MYLK4: variants seen among roughly 807,000 people sequenced by gnomAD.
MYLK4 encodes myosin light chain kinase family member 4.
A neutral mutation model predicts 48.1 loss-of-function variants in MYLK4; 46 were observed. The observed-to-expected ratio is 0.96, with a 90% CI of 0.75 to 1.22. The LOEUF (loss-of-function observed/expected upper bound fraction) is 1.22, where lower values mean the gene tolerates loss of function less well. Ranked by LOEUF, MYLK4 falls within the 50% of genes most tolerant of loss-of-function variation. The probability of loss-of-function intolerance (pLI) is 0.00; values close to 1 mark genes in which losing one functional copy is unlikely to be tolerated. For missense variants in MYLK4, 451 were observed against 486.1 expected, an observed-to-expected ratio of 0.93 and a Z score of 0.68; for synonymous variants, 170 against 180.8, an observed-to-expected ratio of 0.94 and a Z score of 0.48.
At chr6:2,764,637 T>A in the MYLK4 span, among the ~76,000 whole-genome samples, 1 of 152,192 alleles carries the variant, frequency 6.6e-6, no homozygotes, top group Non-Finnish European at 1.5e-5. Flanking sequence ...TCTTTCCATT[T>A]CTATCCGTCT....
In MYLK4 at chr6:2,740,987, C is replaced by A. The variant is rs191607945; in HGVS notation, c.159+8149G>T. Reference sequence around the variant, plus strand: ...TAGGTGGTTTTAGATCATACAGTAACAAACCGTTTTTAAAACTTATGTGTG... The same window carrying A: ...TAGGTGGTTTTAGATCATACAGTAAAAAACCGTTTTTAAAACTTATGTGTG... On this transcript the variant is annotated intron_variant, in intron 2 of 12. Transcript: ENST00000274643. 1.1e-4 allele frequency among the ~76,000 whole-genome samples: 16 copies of A among 152,316 alleles called. No homozygotes were observed. In the East Asian group the frequency reaches 3.1e-3, roughly 29 times the overall value.
intron 2 of MYLK4, among the ~76,000 whole-genome samples, chr6:2,693,143 C>T (rs1403330069): frequency 6.6e-6 from 1 of 152,108 alleles, no homozygotes; most frequent in African/African-American, 2.4e-5. Context: ...GAAAAAAGCC[C>T]AGTAAAATTA....
intron 2 of MYLK4, among the ~76,000 whole-genome samples, chr6:2,729,410 G>C (rs182459449): frequency 2.0e-5 from 3 of 152,188 alleles, no homozygotes; most frequent in African/African-American, 4.8e-5. Flanking sequence ...CACAGAGATC[G>C]TGGCAAAGGA....
At chr6:2,725,951 AAC>A (rs1273180002) in intron 2 of MYLK4, among the ~76,000 whole-genome samples, 1 of 152,236 alleles carries the variant, frequency 6.6e-6, no homozygotes, top group African/African-American at 2.4e-5. Flanking sequence ...TCTAGCACGG[AAC>A]AAGCTCAGTG....
intron 2 of MYLK4, among the ~76,000 whole-genome samples, chr6:2,693,756 CTTTTTT>C (rs66817086): frequency 2.4e-5 from 3 of 124,808 alleles, no homozygotes; most frequent in Non-Finnish European, 3.4e-5. Context: ...TGCAAATGTG[CTTTTTT>C]TTTTTTTTTT....
At chr6:2,766,369 T>C in the MYLK4 span, 1 of 1,609,774 alleles carries the variant, frequency 6.2e-7, no homozygotes, top group Non-Finnish European at 8.5e-7. Context: ...TGGGCCAGGA[T>C]ACCCTGCTGC....
rs972538422 is a variant in MYLK4 at position 2,685,206 on chromosome 6, T to A, written c.545+90A>T. The A allele has an allele frequency of 6.5e-6, 6 of 923,638 alleles. No individual in the cohort carries two copies. Among genetic ancestry groups the A allele is most frequent in the African/African-American group, 1.6e-5 (1 of 62,024 alleles). The allele number at this position is 923,638 out of a possible 1,614,324, so 57.2% of individuals were successfully genotyped here. ...TCTGCGGGGGCGAGCTTGGTTCTGG[T>A]CCCGCTACAGCAGGACGGAGCTACT... On this transcript the variant is annotated intron_variant, in intron 6 of 12. Transcript: ENST00000274643. The surrounding 1 kb of genome is among the most constrained non-coding windows in gnomAD (Gnocchi z 4.5).
At chr6:2,754,554 C>T (rs1764377765), upstream of MYLK4, among the ~76,000 whole-genome samples, 1 of 152,170 alleles carries the variant, frequency 6.6e-6, no homozygotes. Flanking sequence ...TAAACAGAAT[C>T]TTACCCGATG....
chr6:2,744,538 T>C (rs1283647898), intron 2 of MYLK4, among the ~76,000 whole-genome samples: 2 of 152,216 alleles, frequency 1.3e-5, no homozygotes, highest in African/African-American at 4.8e-5. Context: ...ATGGTGCTGA[T>C]GGTACAATTT....
At chr6:2,705,281 C>T (rs964156673) in intron 2 of MYLK4, among the ~76,000 whole-genome samples, 2 of 152,188 alleles carry the variant, frequency 1.3e-5, no homozygotes, top group Middle Eastern at 3.2e-3. Flanking sequence ...ACATGGAAAT[C>T]GTTCTACTGA....
chr6:2,706,405 GGT>G (rs1026947534), intron 2 of MYLK4, among the ~76,000 whole-genome samples: 1 of 152,120 alleles, frequency 6.6e-6, no homozygotes, highest in African/African-American at 2.4e-5. Context: ...CATTTTTGGA[GGT>G]GATGGATAAG....
At chr6:2,719,258 T>C (rs1339773896) in intron 2 of MYLK4, among the ~76,000 whole-genome samples, 1 of 152,134 alleles carries the variant, frequency 6.6e-6, no homozygotes, top group African/African-American at 2.4e-5. Flanking sequence ...GACCAGTACA[T>C]TGAATTTTTA....
intron 11 of MYLK4, among the ~76,000 whole-genome samples, chr6:2,674,357 T>G (rs1761005650): frequency 6.6e-6 from 1 of 152,188 alleles, no homozygotes; most frequent in Non-Finnish European, 1.5e-5. Context: ...GAATTTAGAA[T>G]TCTGAATTCT....
chr6:2,715,908 C>T (rs1179484912), intron 2 of MYLK4, among the ~76,000 whole-genome samples: 2 of 152,230 alleles, frequency 1.3e-5, no homozygotes, highest in African/African-American at 2.4e-5. Context: ...GGACCTGTTC[C>T]GTGCTGACCA....
At chr6:2,734,406 G>A (rs1057206472) in intron 2 of MYLK4, among the ~76,000 whole-genome samples, 1 of 152,150 alleles carries the variant, frequency 6.6e-6, no homozygotes, top group African/African-American at 2.4e-5. Flanking sequence ...CAGGGCAGAG[G>A]GAGTGCTGCC....
At chr6:2,684,566 A>C (rs1761452250) in intron 6 of MYLK4, among the ~76,000 whole-genome samples, 1 of 152,328 alleles carries the variant, frequency 6.6e-6, no homozygotes, top group Admixed American at 6.5e-5. Flanking sequence ...CTGTTTCCAC[A>C]GGTTCAAACA....
intron 2 of MYLK4, among the ~76,000 whole-genome samples, chr6:2,715,503 A>G (rs1384361050): frequency 1.3e-5 from 2 of 152,190 alleles, no homozygotes; most frequent in East Asian, 3.8e-4. Context: ...GCTGATCCAA[A>G]CAATGTTGGG....
At chr6:2,764,398 A>G in the MYLK4 span, among the ~76,000 whole-genome samples, 1 of 152,190 alleles carries the variant, frequency 6.6e-6, no homozygotes, top group African/African-American at 2.4e-5. Flanking sequence ...CCTGGGCGAC[A>G]GAACGAGTGA....
In MYLK4 at chr6:2,690,823, CTTTT is replaced by C. The variant is rs35133716; in HGVS notation, c.236-1871_236-1868del. ...AAAAGAAGCAATAATCTCTCTGAAT[CTTTT>C]TTTTTTTTTTTTTTTTTTTTGAGAC... On this transcript the variant is annotated intron_variant, in intron 3 of 12. Coordinates refer to ENST00000274643, the MANE Select transcript of MYLK4 (RefSeq NM_001012418.5). 6.0e-4 allele frequency among the ~76,000 whole-genome samples: 53 copies of C among 88,846 alleles called. 1 individual carries two copies. Among genetic ancestry groups the C allele is most frequent in the African/African-American group, 2.3e-3 (50 of 21,368 alleles). 58.3% of individuals were successfully genotyped at this position (88,846 alleles called of 152,430 possible). A position where few individuals can be genotyped will look rare whatever the true frequency, so the allele number is the denominator to read the frequency against.
Sources: gnomAD v4.1 joint callset for allele counts (sites outside exome capture counted in the v4.1 genomes callset) on GRCh38, gnomAD v4.1.1 for gene constraint, Gnocchi (gnomAD v3.1) non-coding constraint, MANE v1.5 for transcripts, NCBI Gene and HGNC (gene_info 2026-07-23, HGNC 2026-07-21) for gene names.